The following CELF2 variants were observed in gnomAD, a reference collection of about 807,000 sequenced individuals.
CELF2 encodes CUGBP Elav-like family member 2.
CELF2 carries 8 observed loss-of-function variants against 62.6 expected under a neutral mutation model. The observed-to-expected ratio is 0.13, with a 90% CI of 0.07 to 0.23. CELF2 has a LOEUF of 0.23. CELF2 is among the 10% of genes least tolerant of loss of function. The pLI is 1.00. For synonymous variants in CELF2, 258 were observed against 250.0 expected (o/e 1.03, Z -0.30); for missense variants, 333 against 671.0 (o/e 0.50, Z 5.56).
chr10:10,522,287 A>G, the CELF2 span, among the ~76,000 whole-genome samples: 4 of 152,246 alleles, frequency 2.6e-5, no homozygotes, highest in Non-Finnish European at 5.9e-5. Flanking sequence ...TTTTATAACC[A>G]TTCATCCAAC....
chr10:11,006,597 G>C (rs2055313885), intron 1 of CELF2, among the ~76,000 whole-genome samples: 1 of 152,176 alleles, frequency 6.6e-6, no homozygotes, highest in African/African-American at 2.4e-5. Flanking sequence ...GCATGAAAAA[G>C]AGTTAAGAGG....
chr10:10,684,737 C>T, the CELF2 span, among the ~76,000 whole-genome samples: 2 of 152,126 alleles, frequency 1.3e-5, no homozygotes, highest in African/African-American at 2.4e-5. Context: ...GAGCAGGACC[C>T]TGTCTCAACA....
the CELF2 span, among the ~76,000 whole-genome samples, chr10:10,595,183 A>G: frequency 6.6e-6 from 1 of 152,250 alleles, no homozygotes; most frequent in Non-Finnish European, 1.5e-5. Flanking sequence ...AATGTATGTT[A>G]CATAAAATTA....
Position 11,333,433 on chromosome 10 carries a change from T to C in CELF2, c.*4380T>C, listed in dbSNP as rs540532338. 1.3e-5 allele frequency: 2 copies of C among 152,712 alleles called. No homozygotes were observed. The highest frequency in any genetic ancestry group is 3.9e-4 in the East Asian group (2 of 5,174). The allele number at this position is 152,712 out of a possible 1,614,324, so 9.5% of individuals were successfully genotyped here. On this transcript the variant is annotated 3_prime_UTR_variant, in exon 13 of 13. Transcript: ENST00000633077. ...TTAGAGAATTGTGATACAATGGCAGTCCTCAAAGGCGTAACGAGTTCATCT... is the reference window on the plus strand; with the variant it reads ...TTAGAGAATTGTGATACAATGGCAGCCCTCAAAGGCGTAACGAGTTCATCT...
Position 11,217,527 on chromosome 10 carries a change from T to C in CELF2, c.354+20T>C. ...CCTGGGGTGAGTCGGTTTACTTTTGTACCAGAATCACTTTATTGCTTGAAA... is the reference window on the plus strand; with the variant it reads ...CCTGGGGTGAGTCGGTTTACTTTTGCACCAGAATCACTTTATTGCTTGAAA... On this transcript the variant is annotated intron_variant, in intron 3 of 12. Coordinates refer to ENST00000633077, the MANE Select transcript of CELF2 (RefSeq NM_001326342.2). The surrounding 1 kb of genome is among the most constrained non-coding windows in gnomAD (Gnocchi z 5.6). The C allele has an allele frequency of 6.5e-7, 1 of 1,549,380 alleles. No homozygotes were observed. Among genetic ancestry groups the C allele is most frequent in the Non-Finnish European group, 8.9e-7 (1 of 1,125,264 alleles).
At chr10:10,828,289 AC>A (rs2057573384) in intron 1 of CELF2, among the ~76,000 whole-genome samples, 2 of 152,228 alleles carry the variant, frequency 1.3e-5, no homozygotes, top group Admixed American at 1.3e-4. Context: ...GAATAGATAA[AC>A]AAAATGTGGT....
chr10:10,725,071 A>T, the CELF2 span, among the ~76,000 whole-genome samples: 2 of 152,156 alleles, frequency 1.3e-5, no homozygotes, highest in Non-Finnish European at 2.9e-5. Context: ...ACTTTTGTGA[A>T]TTACTTTGGG....
At chr10:11,195,838 T>C (rs945994198) in intron 2 of CELF2, among the ~76,000 whole-genome samples, 1 of 152,196 alleles carries the variant, frequency 6.6e-6, no homozygotes, top group African/African-American at 2.4e-5. Context: ...GCCAGGAATA[T>C]TGCAGCAATG....
In CELF2 at chr10:11,255,665, G is replaced by A. The variant is rs569699784; in HGVS notation, c.404-2073G>A. On this transcript the variant is annotated intron_variant, in intron 4 of 12. Coordinates refer to ENST00000633077, the MANE Select transcript of CELF2 (RefSeq NM_001326342.2). This position sits in a 1 kb window ranked among gnomAD's most constrained non-coding sequence, Gnocchi z 5.5. ...TGTCACAGTGGGGAGAGAGCTGGGT[G>A]GAAGGGATTCTGACCCCCCACTCAC... is the stretch of plus-strand genomic sequence containing the variant. 8.9e-4 allele frequency among the ~76,000 whole-genome samples: 135 copies of A among 152,214 alleles called. 1 individual carries two copies. The South Asian group carries it at 0.026, about 29-fold the overall frequency.
At chr10:11,222,814 T>G (rs990405574) in intron 3 of CELF2, among the ~76,000 whole-genome samples, 1 of 152,268 alleles carries the variant, frequency 6.6e-6, no homozygotes, top group African/African-American at 2.4e-5. Context: ...CTAAAAATAT[T>G]TCAAATGTTC....
At chr10:11,322,214 A>C (rs998813056) in intron 11 of CELF2, among the ~76,000 whole-genome samples, 37 of 152,268 alleles carry the variant, frequency 2.4e-4, no homozygotes, top group African/African-American at 8.9e-4. Context: ...GGCTCTCAGT[A>C]GGTGATGGTT....
At chr10:10,905,409 C>T (rs531400594) in intron 1 of CELF2, among the ~76,000 whole-genome samples, 1 of 152,260 alleles carries the variant, frequency 6.6e-6, no homozygotes, top group South Asian at 2.1e-4. Flanking sequence ...GGTTAAATTG[C>T]CATTAGAGTT....
At chr10:10,954,526 G>A (rs907697466) in intron 2 of CELF2, among the ~76,000 whole-genome samples, 8 of 152,112 alleles carry the variant, frequency 5.3e-5, no homozygotes, top group South Asian at 2.1e-4. Flanking sequence ...GATTACAGGC[G>A]TGAGCCACCG....
At chr10:10,511,390 TG>T in the CELF2 span, among the ~76,000 whole-genome samples, 1 of 151,998 alleles carries the variant, frequency 6.6e-6, no homozygotes, top group Non-Finnish European at 1.5e-5. Context: ...CCAGCCTGGG[TG>T]ACAGAGTTAA....
At chr10:10,832,503 G>T (rs979354382) in intron 1 of CELF2, among the ~76,000 whole-genome samples, 7 of 152,160 alleles carry the variant, frequency 4.6e-5, no homozygotes, top group African/African-American at 1.2e-4. Context: ...TGCATTTCAT[G>T]CTGGACCTCA....
chr10:11,105,099 G>A (rs1350554274), intron 1 of CELF2, among the ~76,000 whole-genome samples: 1 of 152,192 alleles, frequency 6.6e-6, no homozygotes, highest in Non-Finnish European at 1.5e-5. Context: ...AAAACATACC[G>A]GTTGGGTTAT....
At position 11,334,704 on chromosome 10, in the gene CELF2, C is replaced by CCACGCAGTTCTTAACATACATTCCAAA. The variant is rs2096086358; in HGVS notation, c.*5653_*5679dup. 3 of 152,312 alleles carry CCACGCAGTTCTTAACATACATTCCAAA rather than the reference C, an allele frequency of 2.0e-5. No individual in the cohort carries two copies. In the South Asian group the frequency reaches 6.2e-4, roughly 32 times the overall value. 9.4% of individuals were successfully genotyped at this position (152,312 alleles called of 1,614,324 possible). A position where few individuals can be genotyped will look rare whatever the true frequency, so the allele number is the denominator to read the frequency against. ...TCTCTCCCCTCCCTCATGAGTCTATCCACGCAGTTCTTAACATACATTCCA... is the reference window on the plus strand; with the variant it reads ...TCTCTCCCCTCCCTCATGAGTCTATCCACGCAGTTCTTAACATACATTCCAAACACGCAGTTCTTAACATACATTCCA... On this transcript the variant is annotated 3_prime_UTR_variant, in exon 13 of 13. Transcript: ENST00000633077.
intron 1 of CELF2, among the ~76,000 whole-genome samples, chr10:10,886,773 C>T (rs146658121): frequency 0.012 from 1,835 of 152,240 alleles, 20 homozygotes; most frequent in Non-Finnish European, 0.02. Context: ...GAGGTCAAGG[C>T]GGCAGTGAGC....
intron 2 of CELF2, among the ~76,000 whole-genome samples, chr10:10,982,534 G>T (rs1210323474): frequency 6.6e-6 from 1 of 152,196 alleles, no homozygotes. Context: ...CCAGGCTACA[G>T]GCCCCAAAGG....
Sources: gnomAD v4.1 joint callset for allele counts (sites outside exome capture counted in the v4.1 genomes callset) on GRCh38, gnomAD v4.1.1 for gene constraint, Gnocchi (gnomAD v3.1) non-coding constraint, MANE v1.5 for transcripts, NCBI Gene and HGNC (gene_info 2026-07-23, HGNC 2026-07-21) for gene names.